CFAP73: variants seen among roughly 807,000 people sequenced by gnomAD.
CFAP73 encodes cilia- and flagella-associated protein 73.
A neutral mutation model predicts 42.9 loss-of-function variants in CFAP73; 33 were observed. That is an observed-to-expected ratio of 0.77 (90% CI 0.58 to 1.03). The LOEUF (loss-of-function observed/expected upper bound fraction) is 1.03. Ranked by LOEUF, CFAP73 falls within the 50% of genes least tolerant of loss-of-function variation. CFAP73 has a pLI of 0.00. For synonymous variants in CFAP73, 162 were observed against 186.8 expected (o/e 0.87, Z 1.08); for missense variants, 392 against 411.9 (o/e 0.95, Z 0.42).
At chr12:113,149,967 C>T (rs2136303826) in intron 1 of CFAP73, 54 bp downstream of exon 1, 1 of 1,516,694 alleles carries the variant, frequency 6.6e-7, no homozygotes, top group Non-Finnish European at 9.0e-7. Context: ...AATGCGTGGG[C>T]TGGCCCATCC....
At chr12:113,157,772 C>A in intron 7 of CFAP73, 82 bp downstream of exon 7, 1 of 1,023,662 alleles carries the variant, frequency 9.8e-7, no homozygotes, top group South Asian at 1.4e-5. Flanking sequence ...CTGAGTGGCT[C>A]TTCCTGAATC....
At position 113,154,410 on chromosome 12, in the gene CFAP73, C is replaced by T; in HGVS notation, c.469-4C>T. The T allele has an allele frequency of 6.5e-7, 1 of 1,548,612 alleles. No homozygotes were observed. Among genetic ancestry groups the T allele is most frequent in the Non-Finnish European group, 8.7e-7 (1 of 1,146,138 alleles). On this transcript the variant is annotated splice_region_variant and splice_polypyrimidine_tract_variant and intron_variant, in intron 4 of 7. Transcript: ENST00000335621. This position sits in a 1 kb window ranked among gnomAD's most constrained non-coding sequence, Gnocchi z 4.7. Reference sequence around the variant, plus strand: ...GTGAGTCCCTTCCCCGCCCCCGACTCTAGTTCCAAGAGGTTCCGGAGCTGG... The same window carrying T: ...GTGAGTCCCTTCCCCGCCCCCGACTTTAGTTCCAAGAGGTTCCGGAGCTGG...
At position 113,154,267 on chromosome 12, in the gene CFAP73, G is replaced by C. The variant is rs1952094762; in HGVS notation, c.469-147G>C. The C allele has an allele frequency of 1.0e-6, 1 of 1,000,908 alleles. No homozygotes were observed. The highest frequency in any genetic ancestry group is 1.7e-5 in the African/African-American group (1 of 59,946). The allele number at this position is 1,000,908 out of a possible 1,614,324, so 62.0% of individuals were successfully genotyped here. A position where few individuals can be genotyped will look rare whatever the true frequency, so the allele number is the denominator to read the frequency against. On this transcript the variant is annotated intron_variant, in intron 4 of 7. Coordinates refer to ENST00000335621, the MANE Select transcript of CFAP73 (RefSeq NM_001144872.3). This position sits in a 1 kb window ranked among gnomAD's most constrained non-coding sequence, Gnocchi z 4.7. ...CACTCCAGCCCAGGTGACAGAGCGAGACCTTGTCTCTAACAAATGGAGGTT... is the reference window on the plus strand; with the variant it reads ...CACTCCAGCCCAGGTGACAGAGCGACACCTTGTCTCTAACAAATGGAGGTT...
rs1952069588 is a variant in CFAP73, at chr12:113,152,150, TG to T, written c.162+131del. ...AAGCCTTGATTTCCTCATCGTCAAA[TG>T]GGGATCAAATGAGACCAGTTGTTGG... On this transcript the variant is annotated intron_variant, in intron 2 of 7. Transcript: ENST00000335621. The T allele has an allele frequency of 4.5e-6, 3 of 672,638 alleles. No individual in the cohort carries two copies. The East Asian group carries it at 8.3e-5, about 19-fold the overall frequency. The allele number at this position is 672,638 out of a possible 1,614,324, so 41.7% of individuals were successfully genotyped here.
chr12:113,159,207 G>A lies in CFAP73; in HGVS notation c.*518G>A. 7.7e-7 allele frequency: 1 copy of A among 1,306,316 alleles called. No homozygotes were observed. The allele number at this position is 1,306,316 out of a possible 1,614,324, so 80.9% of individuals were successfully genotyped here. A position where few individuals can be genotyped will look rare whatever the true frequency, so the allele number is the denominator to read the frequency against. Reference sequence around the variant, plus strand: ...AGACTCCTCCCCTGCCCCTACTCCTGTTCTGTGCTTATTGCTGTGGCCCAG... The same window carrying A: ...AGACTCCTCCCCTGCCCCTACTCCTATTCTGTGCTTATTGCTGTGGCCCAG... On this transcript the variant is annotated 3_prime_UTR_variant, in exon 8 of 8. Transcript: ENST00000335621.
In CFAP73 at chr12:113,152,868, G is replaced by A; in HGVS notation, c.248G>A (p.Arg83His). Residue 83 changes from arginine to histidine, a missense_variant, in exon 3 of 8, where the codon CGC (arginine) becomes CAC (histidine). Physicochemically the swap from Arg to His is conservative, Grantham distance 29. Transcript: ENST00000335621. ...CGGGAGCTAAAGGGATCGTTCATCC[G>A]CTTTGACAAGTTTTTGCAGGTAGGT... ...KERELKGSFI[R>H]FDKFLQDSEA... 1.9e-6 allele frequency: 3 copies of A among 1,551,564 alleles called. No individual in the cohort carries two copies. Among genetic ancestry groups the A allele is most frequent in the South Asian group, 2.4e-5 (2 of 84,052 alleles).
rs1555251996 is a variant in CFAP73, at chr12:113,154,263, G to A, written c.469-151G>A. ...ACTGCACTCCAGCCCAGGTGACAGA[G>A]CGAGACCTTGTCTCTAACAAATGGA... On this transcript the variant is annotated intron_variant, in intron 4 of 7. Coordinates refer to ENST00000335621, the MANE Select transcript of CFAP73 (RefSeq NM_001144872.3). The surrounding 1 kb of genome is among the most constrained non-coding windows in gnomAD (Gnocchi z 4.7). 3.1e-6 allele frequency: 3 copies of A among 972,246 alleles called. No homozygotes were observed. Among genetic ancestry groups the A allele is most frequent in the Non-Finnish European group, 4.6e-6 (3 of 657,720 alleles). 60.2% of individuals were successfully genotyped at this position (972,246 alleles called of 1,614,324 possible).
At position 113,159,089 on chromosome 12, in the gene CFAP73, G is replaced by A. The variant is rs761089016; in HGVS notation, c.*400G>A. ...CGGACTCGGCCTGCAGGGGTGCCTG[G>A]GGCGTGGGGCCGGGATGCACCTGCT... is the stretch of plus-strand genomic sequence containing the variant. On this transcript the variant is annotated 3_prime_UTR_variant, in exon 8 of 8. Transcript: ENST00000335621. The A allele has an allele frequency of 3.1e-6, 5 of 1,603,528 alleles. No homozygotes were observed. The highest frequency in any genetic ancestry group is 4.3e-6 in the Non-Finnish European group (5 of 1,176,214).
intron 7 of CFAP73, chr12:113,157,920 G>A: frequency 1.8e-6 from 1 of 560,358 alleles, no homozygotes; most frequent in Non-Finnish European, 3.2e-6. Context: ...CTATGTGTGG[G>A]GCAACTGCCT....
In CFAP73 at chr12:113,154,097, GTAACA is replaced by G. The variant is rs1222844151; in HGVS notation, c.469-314_469-310del. 6.6e-6 allele frequency among the ~76,000 whole-genome samples: 1 copy of G among 152,036 alleles called. No individual in the cohort carries two copies. The highest frequency in any genetic ancestry group is 2.0e-4 in the East Asian group (1 of 5,126). ...AGCCAGGAGTTCGAGACCAGTCTGG[GTAACA>G]TAGAGTGACACCTGTCTCTACAAAA... On this transcript the variant is annotated intron_variant, in intron 4 of 7. Transcript: ENST00000335621. This position sits in a 1 kb window ranked among gnomAD's most constrained non-coding sequence, Gnocchi z 4.7.
In CFAP73 at chr12:113,155,404, G is replaced by A; in HGVS notation, c.835G>A (p.Gly279Arg). 2 of 1,550,108 alleles carry A rather than the reference G, an allele frequency of 1.3e-6. No individual in the cohort carries two copies. The highest frequency in any genetic ancestry group is 2.4e-5 in the East Asian group (1 of 40,852). The change falls in exon 6 of 8, where the codon GGA becomes AGA. Residue 279 changes from glycine (G) to arginine (R), a missense_variant. Physicochemically the swap from Gly to Arg is moderately radical, Grantham distance 125. Transcript: ENST00000335621. ...PPTLDIEDTE[G>R]QLEHVKLFMQ... ...CACCCTGGACATCGAGGACACGGAG[G>A]GACAGCTAGAGCACGTGAGGACCCC...
At chr12:113,150,790 T>C (rs1351387856) in intron 1 of CFAP73, among the ~76,000 whole-genome samples, 1 of 152,112 alleles carries the variant, frequency 6.6e-6, no homozygotes, top group Non-Finnish European at 1.5e-5. Flanking sequence ...CCACCGCAGT[T>C]GGATTCTCAG....
At chr12:113,156,952 T>G (rs1952135630) in intron 6 of CFAP73, 1 of 152,296 alleles carries the variant, frequency 6.6e-6, no homozygotes, top group Admixed American at 6.5e-5. Context: ...TAACACTCCC[T>G]GGCCTCCGGG....
At chr12:113,157,815 C>A in intron 7 of CFAP73, 125 bp downstream of exon 7, 1 of 751,276 alleles carries the variant, frequency 1.3e-6, no homozygotes, top group Non-Finnish European at 2.2e-6. Context: ...GAGGGCTGTG[C>A]CTGTTCAGAG....
chr12:113,150,491 C>T (rs761137549), intron 1 of CFAP73, among the ~76,000 whole-genome samples: 1 of 152,178 alleles, frequency 6.6e-6, no homozygotes, highest in Non-Finnish European at 1.5e-5. Flanking sequence ...TGGTCTCCCC[C>T]ACCTGACCTG....
chr12:113,154,541 G>T lies in CFAP73; in HGVS notation c.596G>T (p.Arg199Leu). The change falls in exon 5 of 8, where the codon CGG becomes CTG. Residue 199 changes from arginine to leucine, a missense_variant. Arg to Leu is a moderately radical substitution (Grantham distance 102, BLOSUM62 -2). Transcript: ENST00000335621. The surrounding 1 kb of genome is among the most constrained non-coding windows in gnomAD (Gnocchi z 4.7). ...GCGCGAGCGCGGCTGCAGCAGCTGC[G>T]GGACGCCTGGCCGGACGAGGTGCTC... ...EAARARLQQL[R>L]DAWPDEVLAQ... 1 of 1,486,412 alleles carries T rather than the reference G, an allele frequency of 6.7e-7. No individual in the cohort carries two copies. The allele number at this position is 1,486,412 out of a possible 1,614,324, so 92.1% of individuals were successfully genotyped here.
rs1952101648 is a variant in CFAP73, at chr12:113,154,756, T to C, written c.690+121T>C. On this transcript the variant is annotated intron_variant, in intron 5 of 7. Transcript: ENST00000335621. This position sits in a 1 kb window ranked among gnomAD's most constrained non-coding sequence, Gnocchi z 4.7. The stretch of plus-strand genomic sequence containing the variant: ...GCTTACCCCAGAGGGTCCGCTGCAC[T>C]AAGGAGGGGAATCTCAGGCATCACC... 1.5e-6 allele frequency: 2 copies of C among 1,335,392 alleles called. No homozygotes were observed. The highest frequency in any genetic ancestry group is 3.1e-5 in the East Asian group (1 of 32,674). The allele number at this position is 1,335,392 out of a possible 1,614,324, so 82.7% of individuals were successfully genotyped here. A position where few individuals can be genotyped will look rare whatever the true frequency, so the allele number is the denominator to read the frequency against.
At position 113,158,008 on chromosome 12, in the gene CFAP73, C is replaced by T. The variant is rs528805478; in HGVS notation, c.*11+318C>T. ...AAAAACTCTTTGTCAGGTCTCAGAA[C>T]AGGGTCCATGCTAGATGAGAGATCA... On this transcript the variant is annotated intron_variant, in intron 7 of 7. Coordinates refer to ENST00000335621, the MANE Select transcript of CFAP73 (RefSeq NM_001144872.3). The surrounding 1 kb of genome is among the most constrained non-coding windows in gnomAD (Gnocchi z 4.9). The T allele has an allele frequency of 1.4e-5, 5 of 368,400 alleles. No homozygotes were observed. In the Admixed American group the frequency reaches 1.9e-4, roughly 14 times the overall value. The allele number at this position is 368,400 out of a possible 1,614,324, so 22.8% of individuals were successfully genotyped here.
rs775373047 is a variant in CFAP73 at position 113,158,959 on chromosome 12, C to T, written c.*270C>T. ...CTGCTGCAGCTCCTGGACGCGGCGGCGGTTGCGGGCAGAGAGCTGCTTGAG... is the reference window on the plus strand; with the variant it reads ...CTGCTGCAGCTCCTGGACGCGGCGGTGGTTGCGGGCAGAGAGCTGCTTGAG... On this transcript the variant is annotated 3_prime_UTR_variant, in exon 8 of 8. Transcript: ENST00000335621. The surrounding 1 kb of genome is among the most constrained non-coding windows in gnomAD (Gnocchi z 4.9). 38 of 1,611,104 alleles carry T rather than the reference C, an allele frequency of 2.4e-5. No homozygotes were observed. The highest frequency in any genetic ancestry group is 4.4e-5 in the South Asian group (4 of 90,734).
Sources: gnomAD v4.1 joint callset for allele counts (sites outside exome capture counted in the v4.1 genomes callset) on GRCh38, gnomAD v4.1.1 for gene constraint, Gnocchi (gnomAD v3.1) non-coding constraint, MANE v1.5 for transcripts, NCBI Gene and HGNC (gene_info 2026-07-23, HGNC 2026-07-21) for gene names.